The following TLE6 variants were observed in gnomAD, a reference collection of about 807,000 sequenced individuals.
The protein encoded by TLE6 is TLE family member 6, subcortical maternal complex member, also known as transducin-like enhancer protein 6.
Under a neutral mutation model 77.1 loss-of-function variants are expected in TLE6, and 72 were observed. That is an observed-to-expected ratio of 0.93 (90% CI 0.77 to 1.14). TLE6 has a LOEUF of 1.14. Ranked by LOEUF, TLE6 falls within the 50% of genes most tolerant of loss-of-function variation. The pLI is 0.00. For synonymous variants in TLE6, 366 were observed against 287.3 expected, an observed-to-expected ratio of 1.27 and a Z score of -2.77; for missense variants, 843 against 747.6, an observed-to-expected ratio of 1.13 and a Z score of -1.49.
chr19:2,992,771 C>T (rs1186787268), intron 14 of TLE6, among the ~76,000 whole-genome samples: 17 of 95,222 alleles, frequency 1.8e-4, no homozygotes, highest in Non-Finnish European at 3.2e-4. Context: ...CAGAGTGAGA[C>T]CCTGTCTCAA....
rs186405839 is a variant in TLE6 at position 2,987,450 on chromosome 19, G to T, written c.558+78G>T. 9 of 1,590,380 alleles carry T rather than the reference G, an allele frequency of 5.7e-6. No homozygotes were observed. The African/African-American group carries it at 9.4e-5, about 17-fold the overall frequency. On this transcript the variant is annotated intron_variant, in intron 8 of 16. Coordinates refer to ENST00000246112, the MANE Select transcript of TLE6 (RefSeq NM_001143986.2). Reference sequence around the variant, plus strand: ...TTGGGCTCCCCCAGGTCAGGGCACTGGGGTTCCTGTGGGATTTGTCTTCCT... The same window carrying T: ...TTGGGCTCCCCCAGGTCAGGGCACTTGGGTTCCTGTGGGATTTGTCTTCCT...
At chr19:2,985,440 C>T (rs1319632591) in intron 5 of TLE6, among the ~76,000 whole-genome samples, 2 of 126,530 alleles carry the variant, frequency 1.6e-5, no homozygotes, top group African/African-American at 6.1e-5. Context: ...CTCGCTCTGT[C>T]ACCCAGGCTG....
intron 14 of TLE6, among the ~76,000 whole-genome samples, chr19:2,993,041 A>AAC (rs2089117489): frequency 3.3e-5 from 5 of 149,802 alleles, no homozygotes; most frequent in African/African-American, 1.2e-4. Flanking sequence ...AAAAAAAAAA[A>AAC]AAAAAAAAAA....
chr19:2,979,974 A>AAC, intron 2 of TLE6, 126 bp from the exon 3 acceptor site: 12 of 678,254 alleles, frequency 1.8e-5, no homozygotes, highest in Non-Finnish European at 2.8e-5. Context: ...CAAAAAAAAA[A>AAC]AAAAAAGCAA....
intron 14 of TLE6, among the ~76,000 whole-genome samples, chr19:2,992,248 A>G (rs530209865): frequency 1.3e-5 from 2 of 152,194 alleles, no homozygotes; most frequent in East Asian, 3.9e-4. Flanking sequence ...CGAGGAGGGC[A>G]AATCACCTGA....
chr19:2,988,160 G>A (rs2088960031), intron 11 of TLE6, 32 bp downstream of exon 11: 3 of 1,549,724 alleles, frequency 1.9e-6, no homozygotes, highest in Non-Finnish European at 2.6e-6. Flanking sequence ...TTTTGGGCGG[G>A]GTGAGGGGCA....
At chr19:2,982,802 C>G (rs1308052137) in intron 5 of TLE6, among the ~76,000 whole-genome samples, 4 of 152,142 alleles carry the variant, frequency 2.6e-5, no homozygotes, top group African/African-American at 9.7e-5. Flanking sequence ...CCTTCCGCTC[C>G]CTGGGCCCCT....
At chr19:2,993,936 A>G (rs1034490174) in intron 15 of TLE6, 83 bp from the exon 16 acceptor site, 2 of 936,986 alleles carry the variant, frequency 2.1e-6, no homozygotes, top group Admixed American at 4.9e-5. Flanking sequence ...AAAAAAAAAA[A>G]AAAAAAGGTG....
At chr19:2,980,051 G>A (rs1211680044) in intron 2 of TLE6, 49 bp from the exon 3 acceptor site, 2 of 1,466,080 alleles carry the variant, frequency 1.4e-6, no homozygotes, top group South Asian at 2.4e-5. Flanking sequence ...GGGGGTCTTG[G>A]GTGTTGGAGC....
chr19:2,983,588 G>A (rs962316812), intron 5 of TLE6, among the ~76,000 whole-genome samples: 13 of 150,910 alleles, frequency 8.6e-5, no homozygotes, highest in African/African-American at 3.2e-4. Flanking sequence ...AAGGCACTAC[G>A]AGGAAGCCCG....
At chr19:2,977,480 T>TG (rs1407268120), upstream of TLE6, 4 of 125,314 alleles carry the variant, frequency 3.2e-5, no homozygotes, top group African/African-American at 1.2e-4. Context: ...GGCGGCTGGG[T>TG]GGGGCCTGGG....
chr19:2,994,146 G>A (rs1444322564), intron 16 of TLE6, 51 bp downstream of exon 16: 1 of 1,492,516 alleles, frequency 6.7e-7, no homozygotes, highest in Non-Finnish European at 9.2e-7. Flanking sequence ...AAAGGGACCA[G>A]CCTGGGCAAC....
intron 15 of TLE6, 113 bp from the exon 16 acceptor site, chr19:2,993,906 G>A (rs1599175448): frequency 1.1e-6 from 1 of 903,756 alleles, no homozygotes; most frequent in Non-Finnish European, 1.7e-6. Flanking sequence ...GGGTGACAGA[G>A]TGAGACCCTG....
chr19:2,987,048 G>C lies in TLE6; in HGVS notation c.351G>C (p.Glu117Asp), dbSNP rs765942359. 3.1e-6 allele frequency: 5 copies of C among 1,614,134 alleles called. No homozygotes were observed. The South Asian group carries it at 5.5e-5, about 18-fold the overall frequency. Residue 117 changes from glutamate to aspartate, a missense_variant, in exon 7 of 17, where the codon GAG becomes GAC. By Grantham distance (45) the Glu-to-Asp change is conservative. Coordinates refer to ENST00000246112, the MANE Select transcript of TLE6 (RefSeq NM_001143986.2). ...AGGTGAAGGACAAGACCCTGCAGGA[G>C]TCGAGCTTTGAGGACATCATGGCCA... ...PQQVKDKTLQ[E>D]SSFEDIMATR...
At chr19:2,980,884 TTAAAAAA>T (rs2088784437) in intron 3 of TLE6, among the ~76,000 whole-genome samples, 1 of 150,802 alleles carries the variant, frequency 6.6e-6, no homozygotes. Context: ...ATGCCATCTC[TTAAAAAA>T]TAAAAAAAAT....
chr19:2,983,572 G>C (rs1484100363), intron 5 of TLE6, among the ~76,000 whole-genome samples: 2 of 151,930 alleles, frequency 1.3e-5, no homozygotes, highest in East Asian at 3.9e-4. Context: ...TGTTGTGTTG[G>C]TCCTGAAGGC....
At chr19:2,983,371 C>T (rs1032249221) in intron 5 of TLE6, among the ~76,000 whole-genome samples, 2 of 151,954 alleles carry the variant, frequency 1.3e-5, no homozygotes, top group East Asian at 3.9e-4. Context: ...AAGAGAGCAG[C>T]CCCAAGGGGA....
intron 5 of TLE6, among the ~76,000 whole-genome samples, chr19:2,982,535 C>CAAAAAAA: frequency 2.4e-5 from 1 of 41,840 alleles, no homozygotes; most frequent in African/African-American, 8.3e-5. Context: ...GACTCTGTCT[C>CAAAAAAA]AAAAAAAAAA....
At position 2,988,113 on chromosome 19, in the gene TLE6, G is replaced by T; in HGVS notation, c.725G>T (p.Arg242Leu). 1 of 1,551,892 alleles carries T rather than the reference G, an allele frequency of 6.4e-7. No individual in the cohort carries two copies. Among genetic ancestry groups the T allele is most frequent in the East Asian group, 2.4e-5 (1 of 40,920 alleles). The change falls in exon 11 of 17, where the codon CGG becomes CTG. Residue 242 changes from arginine (R) to leucine (L), a missense_variant. By Grantham distance (102) the Arg-to-Leu change is moderately radical (BLOSUM62 -2). Coordinates refer to ENST00000246112, the MANE Select transcript of TLE6 (RefSeq NM_001143986.2). ...VVQEPPGRAS[R>L]FLQSISWDPE... ...CAGGAGCCTCCTGGAAGAGCCTCTC[G>T]GTTTCTACAGTCCATGTAAGTGTCT...
Sources: allele counts gnomAD v4.1 joint callset (sites outside exome capture counted in the v4.1 genomes callset), GRCh38; gene constraint gnomAD v4.1.1; transcripts MANE v1.5; gene names NCBI Gene and HGNC (gene_info 2026-07-23, HGNC 2026-07-21).